The following GNB5 variants were observed in gnomAD, a reference collection of about 807,000 sequenced individuals.
GNB5 encodes G protein subunit beta 5.
In GNB5, 37 loss-of-function variants were observed where a neutral mutation model predicts 55.3. That is an observed-to-expected ratio of 0.67 (90% CI 0.51 to 0.88). The LOEUF (loss-of-function observed/expected upper bound fraction) is 0.88. GNB5 is among the 40% of genes least tolerant of loss of function. The pLI is 0.00. For missense variants in GNB5, 476 were observed against 515.3 expected (o/e 0.92, Z 0.74); for synonymous variants, 219 against 198.5 (o/e 1.10, Z -0.87).
rs753137682 is a variant in GNB5, at chr15:52,133,477, T to C, written c.772-8A>G. On this transcript the variant is annotated splice_region_variant and splice_polypyrimidine_tract_variant and intron_variant, in intron 8 of 12. Transcript: ENST00000261837. The stretch of plus-strand genomic sequence containing the variant: ...GGCTTTCTTGTCACATCCCTACAAA[T>C]GAAAATTAGCCAGAGTTATGGCCAC... The C allele has an allele frequency of 1.9e-6, 3 of 1,597,284 alleles. No individual in the cohort carries two copies. The highest frequency in any genetic ancestry group is 3.3e-5 in the Admixed American group (2 of 59,984).
chr15:52,145,651 TAA>T lies in GNB5; in HGVS notation c.494+1806_494+1807del, dbSNP rs555798723. ...CAGAGCCAGACTCCATCTCAAAAAA[TAA>T]AAAGAGTGAAATACATGTATGTGAA... On this transcript the variant is annotated intron_variant, in intron 6 of 12. Transcript: ENST00000261837. Among the ~76,000 whole-genome samples, 636 of 151,612 alleles carry T rather than the reference TAA, an allele frequency of 4.2e-3. 3 individuals are homozygous for T. The highest frequency in any genetic ancestry group is 0.015 in the African/African-American group (609 of 41,304).
At position 52,118,110 on chromosome 15, in the gene GNB5, G is replaced by A. The variant is rs2033180696; in HGVS notation, c.*4647C>T. On this transcript the variant is annotated 3_prime_UTR_variant, in exon 13 of 13. Coordinates refer to ENST00000261837, the MANE Select transcript of GNB5 (RefSeq NM_016194.4). ...TCTCTGGGACTTCCTCCACCGACCG[G>A]GGCTGTCCCAAAGCCTCCTCTGAAG... The A allele has an allele frequency of 6.6e-6, 1 of 152,466 alleles. No individual in the cohort carries two copies. The highest frequency in any genetic ancestry group is 1.5e-5 in the Non-Finnish European group (1 of 68,290). The allele number at this position is 152,466 out of a possible 1,614,324, so 9.4% of individuals were successfully genotyped here.
intron 3 of GNB5, among the ~76,000 whole-genome samples, chr15:52,175,550 C>G (rs982261024): frequency 2.0e-5 from 3 of 151,226 alleles, no homozygotes; most frequent in African/African-American, 7.3e-5. Context: ...AACAGCCCGT[C>G]CAACATGGTG....
chr15:52,164,235 G>A (rs2034402233), intron 3 of GNB5, among the ~76,000 whole-genome samples: 1 of 151,318 alleles, frequency 6.6e-6, no homozygotes, highest in South Asian at 2.1e-4. Context: ...TTGAACCTGG[G>A]AGGCAGAGGT....
intron 3 of GNB5, among the ~76,000 whole-genome samples, chr15:52,161,017 CATTG>C (rs1194313608): frequency 6.6e-6 from 1 of 152,116 alleles, no homozygotes; most frequent in Non-Finnish European, 1.5e-5. Context: ...CAATATCCAC[CATTG>C]ATTGTGTGTC....
intron 7 of GNB5, chr15:52,140,072 T>C: frequency 1.3e-6 from 1 of 743,100 alleles, no homozygotes; most frequent in Non-Finnish European, 1.8e-6. Flanking sequence ...AAATAATAGG[T>C]GTAAACAACA....
intron 3 of GNB5, among the ~76,000 whole-genome samples, chr15:52,166,040 TC>T (rs1373027123): frequency 6.6e-6 from 1 of 152,140 alleles, no homozygotes; most frequent in Non-Finnish European, 1.5e-5. Flanking sequence ...GGCGTTGCAA[TC>T]CTAGTTTCCA....
At chr15:52,145,113 G>A (rs2033942825) in intron 6 of GNB5, among the ~76,000 whole-genome samples, 1 of 152,042 alleles carries the variant, frequency 6.6e-6, no homozygotes, top group African/African-American at 2.4e-5. Context: ...CTTCTAACTG[G>A]AGTTGGCTAA....
Position 52,143,166 on chromosome 15 carries a change from GA to G in GNB5, c.495-1895del, listed in dbSNP as rs71130133. Among the ~76,000 whole-genome samples the G allele has an allele frequency of 7.5e-3, 1,065 of 142,130 alleles. 20 individuals are homozygous for G. Among genetic ancestry groups the G allele is most frequent in the East Asian group, 0.026 (127 of 4,918 alleles). 93.2% of individuals were successfully genotyped at this position (142,130 alleles called of 152,430 possible). ...TGAGATTCTTTGACTAAAAAAAAGA[GA>G]AAAAAAAAAAACAGAATGTGTAGAG... On this transcript the variant is annotated intron_variant, in intron 6 of 12. Coordinates refer to ENST00000261837, the MANE Select transcript of GNB5 (RefSeq NM_016194.4).
intron 3 of GNB5, among the ~76,000 whole-genome samples, chr15:52,157,145 C>A (rs1420749383): frequency 6.6e-6 from 1 of 151,946 alleles, no homozygotes; most frequent in East Asian, 1.9e-4. Flanking sequence ...CCAAGTTAGA[C>A]CAGGATGGTC....
At chr15:52,179,471 G>T (rs888883469) in intron 3 of GNB5, among the ~76,000 whole-genome samples, 24 of 152,024 alleles carry the variant, frequency 1.6e-4, no homozygotes, top group African/African-American at 5.6e-4. Context: ...AACGCGATCC[G>T]TTCGCAGCTT....
At chr15:52,163,318 G>A (rs1304086162) in intron 3 of GNB5, among the ~76,000 whole-genome samples, 2 of 152,226 alleles carry the variant, frequency 1.3e-5, no homozygotes, top group Non-Finnish European at 2.9e-5. Context: ...AAAGTCCTGT[G>A]AGGAAGGAGA....
At position 52,117,859 on chromosome 15, in the gene GNB5, T is replaced by G. The variant is rs571506740; in HGVS notation, c.*4898A>C. The G allele has an allele frequency of 5.2e-5, 8 of 152,488 alleles. No individual in the cohort carries two copies. The highest frequency in any genetic ancestry group is 3.9e-4 in the Admixed American group (6 of 15,310). The allele number at this position is 152,488 out of a possible 1,614,324, so 9.4% of individuals were successfully genotyped here. On this transcript the variant is annotated 3_prime_UTR_variant, in exon 13 of 13. Transcript: ENST00000261837. ...TCAGGGCAGGGCCCTGAAGGCGCAG[T>G]GCAGGAACCTGCCATGGGTGGGACG...
At chr15:52,131,510 G>A (rs1467508915) in intron 9 of GNB5, among the ~76,000 whole-genome samples, 4 of 152,174 alleles carry the variant, frequency 2.6e-5, no homozygotes, top group Non-Finnish European at 5.9e-5. Context: ...ATCTCCCACA[G>A]ATACCAAGGA....
intron 3 of GNB5, among the ~76,000 whole-genome samples, chr15:52,160,411 T>G (rs577667149): frequency 4.6e-5 from 7 of 152,232 alleles, no homozygotes; most frequent in Non-Finnish European, 1.0e-4. Flanking sequence ...GTTGGTGTAC[T>G]AGGAGCTGCG....
chr15:52,183,517 C>T (rs928816255), intron 2 of GNB5, among the ~76,000 whole-genome samples: 1 of 152,138 alleles, frequency 6.6e-6, no homozygotes, highest in Non-Finnish European at 1.5e-5. Flanking sequence ...TTTATGCCAC[C>T]CTGGGCTGTT....
At chr15:52,179,186 C>A (rs1206981106) in intron 3 of GNB5, among the ~76,000 whole-genome samples, 1 of 152,194 alleles carries the variant, frequency 6.6e-6, no homozygotes, top group Non-Finnish European at 1.5e-5. Flanking sequence ...CTTAAACGAA[C>A]TGAACGGTTG....
intron 4 of GNB5, 144 bp from the exon 5 acceptor site, chr15:52,150,069 T>A: frequency 1.5e-6 from 1 of 654,792 alleles, no homozygotes; most frequent in Non-Finnish European, 2.7e-6. Context: ...CCCCCTAATC[T>A]ATCCATGAAA....
chr15:52,137,674 G>A, intron 7 of GNB5: 1 of 1,184,326 alleles, frequency 8.4e-7, no homozygotes, highest in Non-Finnish European at 1.1e-6. Flanking sequence ...GTGTGTATGA[G>A]GCCTGGGCTC....
Sources: gnomAD v4.1 joint callset for allele counts (sites outside exome capture counted in the v4.1 genomes callset) on GRCh38, gnomAD v4.1.1 for gene constraint, MANE v1.5 for transcripts, NCBI Gene and HGNC (gene_info 2026-07-23, HGNC 2026-07-21) for gene names.